The following MYBL2 variants were observed in gnomAD, a reference collection of about 807,000 sequenced individuals.
MYBL2 encodes the protein myb-related protein B.
Under a neutral mutation model 79.9 loss-of-function variants are expected in MYBL2, and 28 were observed. That is an observed-to-expected ratio of 0.35 (90% CI 0.26 to 0.48). The LOEUF is 0.48. Among genes scored for constraint, MYBL2 ranks in the 20% least tolerant of loss-of-function variants. The probability of loss-of-function intolerance (pLI) is 0.99; values close to 1 mark genes in which losing one functional copy is unlikely to be tolerated. For synonymous variants in MYBL2, 378 were observed against 361.2 expected (o/e 1.05, Z -0.53); for missense variants, 735 against 893.9 (o/e 0.82, Z 2.27).
intron 4 of MYBL2, 29 bp downstream of exon 4, chr20:43,682,915 A>G (rs1329116616): frequency 2.5e-6 from 4 of 1,596,840 alleles, no homozygotes; most frequent in Non-Finnish European, 2.6e-6. Context: ...CCTTGCACAC[A>G]GTGGGTCTTC....
chr20:43,697,772 G>A (rs1010929108), intron 6 of MYBL2, among the ~76,000 whole-genome samples: 4 of 151,648 alleles, frequency 2.6e-5, no homozygotes, highest in Non-Finnish European at 5.9e-5. Flanking sequence ...AAAATTAACC[G>A]GTCATGGTGG....
chr20:43,699,878 A>G lies in MYBL2; in HGVS notation c.785A>G (p.Asp262Gly). ...KEQEPIGTDL[D>G]AVRTPEPLEE... ...CAGGAGCCCATCGGTACAGATCTGG[A>G]CGCAGTGCGAACACCAGAGCCCTTG... The change falls in exon 7 of 14, where the codon GAC (aspartate) becomes GGC (glycine). Residue 262 changes from aspartate to glycine, a missense_variant. Physicochemically the swap from Asp to Gly is moderately conservative, Grantham distance 94. Around this residue, in one of 5 missense-constraint regions of MYBL2, gnomAD observed 144 missense variants for 131.9 expected, o/e 1.09. Coordinates refer to ENST00000217026, the MANE Select transcript of MYBL2 (RefSeq NM_002466.4). 1 of 1,614,042 alleles carries G rather than the reference A, an allele frequency of 6.2e-7. No homozygotes were observed. The highest frequency in any genetic ancestry group is 8.5e-7 in the Non-Finnish European group (1 of 1,179,982).
chr20:43,716,118 T>C lies in MYBL2; in HGVS notation c.*31T>C. On this transcript the variant is annotated 3_prime_UTR_variant, in exon 14 of 14. Coordinates refer to ENST00000217026, the MANE Select transcript of MYBL2 (RefSeq NM_002466.4). ...TGAGGGTGTCACGAGCCCATTCTCA[T>C]GTTTACAGGGGTTGTGGGGGCAGAG... 2.5e-6 allele frequency: 4 copies of C among 1,600,704 alleles called. No individual in the cohort carries two copies. The highest frequency in any genetic ancestry group is 3.4e-6 in the Non-Finnish European group (4 of 1,179,210).
chr20:43,682,973 G>T (rs1987178687), intron 4 of MYBL2, 87 bp downstream of exon 4: 9 of 1,312,446 alleles, frequency 6.9e-6, no homozygotes, highest in Middle Eastern at 2.3e-4. Flanking sequence ...TGTTGGGGTT[G>T]GGGGTGTCAA....
Position 43,700,036 on chromosome 20 carries a change from A to T in MYBL2, c.943A>T (p.Ile315Phe). The T allele has an allele frequency of 6.2e-7, 1 of 1,613,566 alleles. No homozygotes were observed. The highest frequency in any genetic ancestry group is 1.7e-4 in the Middle Eastern group (1 of 6,038). ...GSSLSEALDLIESDPDAWCDL... is the reference protein window; with the variant it reads ...GSSLSEALDLFESDPDAWCDL... ...TAGCCTCTCTGAAGCCCTGGACTTG[A>T]TCGAGTCGGTATGTTGGTCACAACA... Residue 315 changes from isoleucine (I) to phenylalanine (F), a missense_variant, in exon 7 of 14, where the codon ATC (isoleucine) becomes TTC (phenylalanine). Coordinates refer to ENST00000217026, the MANE Select transcript of MYBL2 (RefSeq NM_002466.4).
chr20:43,700,818 T>G (rs1323575843), intron 7 of MYBL2, among the ~76,000 whole-genome samples: 3 of 152,178 alleles, frequency 2.0e-5, no homozygotes, highest in African/African-American at 7.2e-5. Context: ...TCAAGTAGTG[T>G]ACCCAAGGTT....
chr20:43,698,080 T>TTTTTG (rs149530290), intron 6 of MYBL2, among the ~76,000 whole-genome samples: 1 of 122,520 alleles, frequency 8.2e-6, no homozygotes, highest in African/African-American at 3.1e-5. Context: ...TTTTTTTTTT[T>TTTTTG]ATCTTGTTAC....
chr20:43,697,721 G>A (rs973611689), intron 6 of MYBL2, among the ~76,000 whole-genome samples: 1 of 151,958 alleles, frequency 6.6e-6, no homozygotes, highest in African/African-American at 2.4e-5. Flanking sequence ...GGCTAGCATG[G>A]TGAAACCCCA....
intron 1 of MYBL2, among the ~76,000 whole-genome samples, chr20:43,670,819 G>A (rs1986836025): frequency 1.3e-5 from 2 of 152,148 alleles, no homozygotes; most frequent in Admixed American, 1.3e-4. Flanking sequence ...AAACCTGTAA[G>A]CTTTTTCCAG....
chr20:43,687,048 A>T lies in MYBL2; in HGVS notation c.476A>T (p.Glu159Val), dbSNP rs1987293755. The change falls in exon 5 of 14, where the codon GAG (glutamate) becomes GTG (valine). Residue 159 changes from glutamate (E) to valine (V), a missense_variant. Glu to Val is a moderately radical substitution (Grantham distance 121, BLOSUM62 -2). This residue lies in a region of MYBL2 where 65 missense variants were observed against 145.2 expected (regional missense o/e 0.45). Transcript: ENST00000217026. ...AAGGTGCTGGGCAACCGCTGGGCCG[A>T]GATCGCCAAGATGTTGCCAGGGAGG... ...AHKVLGNRWA[E>V]IAKMLPGRTD... The T allele has an allele frequency of 6.2e-7, 1 of 1,613,038 alleles. No homozygotes were observed. The highest frequency in any genetic ancestry group is 8.5e-7 in the Non-Finnish European group (1 of 1,179,988).
chr20:43,676,470 T>C (rs1284207153), intron 2 of MYBL2, among the ~76,000 whole-genome samples: 1 of 152,218 alleles, frequency 6.6e-6, no homozygotes. Context: ...TGCGTCTGGC[T>C]TTTGCTCAGC....
At position 43,702,882 on chromosome 20, in the gene MYBL2, C is replaced by T. The variant is rs781739258; in HGVS notation, c.1344C>T (p.Thr448=). The change falls in exon 8 of 14, where the codon ACC becomes ACT. Residue 448 remains threonine (T), a synonymous_variant. Transcript: ENST00000217026. The part of the protein sequence containing the change: ...SLTPKSTPVK[T]LPFSPSQFLN... The stretch of plus-strand genomic sequence containing the variant: ...CGCCCAAGAGCACACCTGTTAAGAC[C>T]CTGCCCTTCTCGCCCTCCCAGGTGC... The T allele has an allele frequency of 1.3e-6, 2 of 1,597,784 alleles. No individual in the cohort carries two copies.
At chr20:43,676,434 AAATG>A (rs1987011827) in intron 2 of MYBL2, among the ~76,000 whole-genome samples, 1 of 152,212 alleles carries the variant, frequency 6.6e-6, no homozygotes, top group East Asian at 1.9e-4. Context: ...AATCTTCTAT[AAATG>A]AAATCATACG....
chr20:43,679,421 T>G (rs562038851), intron 2 of MYBL2, among the ~76,000 whole-genome samples: 1 of 152,246 alleles, frequency 6.6e-6, no homozygotes, highest in South Asian at 2.1e-4. Flanking sequence ...TTCAGTGGTG[T>G]TAAGTATTTT....
At chr20:43,678,619 G>A (rs770840706) in intron 2 of MYBL2, among the ~76,000 whole-genome samples, 2 of 152,106 alleles carry the variant, frequency 1.3e-5, no homozygotes, top group Non-Finnish European at 2.9e-5. Context: ...CACTTTGGGA[G>A]GCTGAGATGG....
chr20:43,674,230 C>CG (rs1568846633), intron 2 of MYBL2, among the ~76,000 whole-genome samples: 2 of 113,162 alleles, frequency 1.8e-5, no homozygotes, highest in African/African-American at 3.1e-5. Flanking sequence ...TAACTCCCCC[C>CG]ACCCTTTTTT....
At chr20:43,691,543 A>ATTTTT (rs3092517) in intron 5 of MYBL2, among the ~76,000 whole-genome samples, 6 of 141,690 alleles carry the variant, frequency 4.2e-5, no homozygotes, top group Non-Finnish European at 7.6e-5. Flanking sequence ...TTATATATAC[A>ATTTTT]TTTTTTTTTT....
chr20:43,675,627 T>C (rs1317169820), intron 2 of MYBL2, among the ~76,000 whole-genome samples: 2 of 152,140 alleles, frequency 1.3e-5, no homozygotes, highest in South Asian at 4.1e-4. Context: ...TGATCACTTT[T>C]GACAAATGCA....
intron 9 of MYBL2, among the ~76,000 whole-genome samples, chr20:43,706,603 C>A (rs1987786931): frequency 6.6e-6 from 1 of 151,570 alleles, no homozygotes; most frequent in African/African-American, 2.4e-5. Flanking sequence ...CTCAGTGGCT[C>A]ACACTTGTAA....
Sources: gnomAD v4.1 joint callset for allele counts (sites outside exome capture counted in the v4.1 genomes callset) on GRCh38, gnomAD v4.1.1 for gene constraint, gnomAD v4.1.1 regional missense constraint, MANE v1.5 for transcripts, NCBI Gene and HGNC (gene_info 2026-07-23, HGNC 2026-07-21) for gene names.